TUBGCP3: variants seen among roughly 807,000 people sequenced by gnomAD.
TUBGCP3 encodes the protein tubulin gamma complex component 3.
TUBGCP3 carries 50 observed loss-of-function variants against 123.1 expected under a neutral mutation model. The observed-to-expected ratio is 0.41, with a 90% CI of 0.32 to 0.51. TUBGCP3 has a LOEUF of 0.51. Ranked by LOEUF, TUBGCP3 falls within the 20% of genes least tolerant of loss-of-function variation. The probability of loss-of-function intolerance (pLI) is 0.36; values close to 1 mark genes in which losing one functional copy is unlikely to be tolerated. For synonymous variants in TUBGCP3, 405 were observed against 413.9 expected, an observed-to-expected ratio of 0.98 and a Z score of 0.26; for missense variants, 882 against 1,127.0, an observed-to-expected ratio of 0.78 and a Z score of 3.11.
At chr13:112,568,311 C>T (rs924100380) in intron 2 of TUBGCP3, among the ~76,000 whole-genome samples, 1 of 151,068 alleles carries the variant, frequency 6.6e-6, no homozygotes, top group Non-Finnish European at 1.5e-5. Flanking sequence ...AGACCCAAGG[C>T]CAAATGGGTT....
At position 112,529,832 on chromosome 13, in the gene TUBGCP3, T is replaced by A. The variant is rs555459711; in HGVS notation, c.1336-2348A>T. On this transcript the variant is annotated intron_variant, in intron 11 of 21. Transcript: ENST00000261965. ...CTCCAGTCAGACTGTAAAACACATT[T>A]CAGTCGTATCACACCCAAAGTGCCT... Among the ~76,000 whole-genome samples, 3 of 152,328 alleles carry A rather than the reference T, an allele frequency of 2.0e-5. No individual in the cohort carries two copies. The East Asian group carries it at 5.8e-4, about 29-fold the overall frequency.
intron 11 of TUBGCP3, among the ~76,000 whole-genome samples, chr13:112,538,688 A>C (rs1878262850): frequency 6.6e-6 from 1 of 152,236 alleles, no homozygotes; most frequent in Non-Finnish European, 1.5e-5. Context: ...TTATTATAAA[A>C]AGAAGCATTT....
intron 16 of TUBGCP3, among the ~76,000 whole-genome samples, chr13:112,517,072 A>G (rs1053418257): frequency 6.6e-5 from 10 of 152,116 alleles, no homozygotes; most frequent in African/African-American, 2.4e-4. Flanking sequence ...GCTGGAGTGT[A>G]GTGGTGAGAA....
At chr13:112,581,383 T>C (rs1882264587) in intron 1 of TUBGCP3, among the ~76,000 whole-genome samples, 1 of 152,230 alleles carries the variant, frequency 6.6e-6, no homozygotes, top group Non-Finnish European at 1.5e-5. Context: ...ACTGCGTATA[T>C]ATTAATTTTA....
At chr13:112,539,209 C>G (rs1166167129) in intron 11 of TUBGCP3, among the ~76,000 whole-genome samples, 1 of 152,202 alleles carries the variant, frequency 6.6e-6, no homozygotes, top group Non-Finnish European at 1.5e-5. Flanking sequence ...CAGACAAGCA[C>G]TATCATACAC....
chr13:112,499,995 G>A (rs1204109442), intron 19 of TUBGCP3, among the ~76,000 whole-genome samples: 1 of 152,196 alleles, frequency 6.6e-6, no homozygotes, highest in Non-Finnish European at 1.5e-5. Context: ...CAGCAGGGAA[G>A]GGGGTACAGG....
intron 21 of TUBGCP3, among the ~76,000 whole-genome samples, chr13:112,486,731 G>A (rs1324216073): frequency 6.6e-6 from 1 of 152,188 alleles, no homozygotes; most frequent in Non-Finnish European, 1.5e-5. Context: ...CTGATAAGAC[G>A]AAAGGACTGG....
At chr13:112,551,064 A>C (rs1462351008) in intron 8 of TUBGCP3, among the ~76,000 whole-genome samples, 5 of 152,116 alleles carry the variant, frequency 3.3e-5, no homozygotes, top group East Asian at 1.9e-4. Context: ...GCGCCACTGC[A>C]CTCCAGCCTG....
intron 17 of TUBGCP3, among the ~76,000 whole-genome samples, chr13:112,509,572 T>C (rs2139022839): frequency 6.6e-6 from 1 of 152,334 alleles, no homozygotes; most frequent in South Asian, 2.1e-4. Flanking sequence ...CGAATACAGT[T>C]TTCCTTCTAG....
intron 17 of TUBGCP3, among the ~76,000 whole-genome samples, chr13:112,510,788 T>C (rs1881627550): frequency 6.6e-6 from 1 of 152,200 alleles, no homozygotes; most frequent in Admixed American, 6.5e-5. Flanking sequence ...CCCCAGGCAA[T>C]GTAGCTCTAG....
chr13:112,593,769 A>C, the TUBGCP3 span, among the ~76,000 whole-genome samples: 1 of 152,214 alleles, frequency 6.6e-6, no homozygotes, highest in East Asian at 1.9e-4. Context: ...AGTTGATTCT[A>C]GGAAAACAAA....
intron 8 of TUBGCP3, among the ~76,000 whole-genome samples, chr13:112,552,075 A>G (rs1469610585): frequency 6.6e-6 from 1 of 152,062 alleles, no homozygotes; most frequent in Non-Finnish European, 1.5e-5. Context: ...CTCGCCCTCC[A>G]CTCACCTCCT....
intron 1 of TUBGCP3, chr13:112,584,016 T>A (rs907400778): frequency 2.6e-5 from 4 of 152,188 alleles, no homozygotes; most frequent in African/African-American, 9.7e-5. Context: ...GAGTTTAAAA[T>A]GAAAAGGCAT....
intron 11 of TUBGCP3, among the ~76,000 whole-genome samples, chr13:112,527,887 A>C (rs1445644493): frequency 6.6e-6 from 1 of 152,154 alleles, no homozygotes; most frequent in Non-Finnish European, 1.5e-5. Flanking sequence ...TCTCTTTTGC[A>C]AAGCCCCAAA....
In TUBGCP3 at chr13:112,542,964, A is replaced by G. The variant is rs574046081; in HGVS notation, c.1335+2735T>C. On this transcript the variant is annotated intron_variant, in intron 11 of 21. Coordinates refer to ENST00000261965, the MANE Select transcript of TUBGCP3 (RefSeq NM_006322.6). The stretch of plus-strand genomic sequence containing the variant: ...GGAGTTCAAGACCAGCCTGGGCAAC[A>G]AAGTGAAACCCCGTCTCTACTAAAA... Among the ~76,000 whole-genome samples, 14 of 152,324 alleles carry G rather than the reference A, an allele frequency of 9.2e-5. No individual in the cohort carries two copies. The South Asian group carries it at 2.9e-3, about 32-fold the overall frequency.
At chr13:112,493,538 T>A (rs1880282772) in intron 20 of TUBGCP3, among the ~76,000 whole-genome samples, 1 of 148,520 alleles carries the variant, frequency 6.7e-6, no homozygotes, top group South Asian at 2.2e-4. Flanking sequence ...TGAGACACTC[T>A]ACCTTTGGGA....
At chr13:112,513,525 TTAAG>T (rs764010089) in intron 17 of TUBGCP3, among the ~76,000 whole-genome samples, 28 of 152,214 alleles carry the variant, frequency 1.8e-4, no homozygotes, top group African/African-American at 5.8e-4. Context: ...TGTTGATACT[TTAAG>T]TAAGACTAAG....
chr13:112,573,131 C>T (rs1265152295), intron 1 of TUBGCP3, among the ~76,000 whole-genome samples: 1 of 150,690 alleles, frequency 6.6e-6, no homozygotes, highest in Non-Finnish European at 1.5e-5. Context: ...AAAGTAACAA[C>T]GTAGGGAATA....
At chr13:112,522,556 T>A in intron 13 of TUBGCP3, 47 bp from the exon 14 acceptor site, 1 of 1,562,008 alleles carries the variant, frequency 6.4e-7, no homozygotes, top group Non-Finnish European at 8.8e-7. Flanking sequence ...GTAATTTGTA[T>A]TTCCACAGAG....
Sources: allele counts gnomAD v4.1 joint callset (sites outside exome capture counted in the v4.1 genomes callset), GRCh38; gene constraint gnomAD v4.1.1; transcripts MANE v1.5; gene names NCBI Gene and HGNC (gene_info 2026-07-23, HGNC 2026-07-21).